Variants in FRY observed in about 807,000 individuals in gnomAD.
The protein encoded by FRY is FRY microtubule binding protein.
Under a neutral mutation model 348.4 loss-of-function variants are expected in FRY, and 128 were observed. The observed-to-expected ratio is 0.37, with a 90% confidence interval of 0.32 to 0.43. FRY has a LOEUF of 0.43. Among genes scored for constraint, FRY ranks in the 20% least tolerant of loss-of-function variants. The pLI is 1.00. For synonymous variants in FRY, 1,370 were observed against 1,374.7 expected (o/e 1.00, Z 0.08); for missense variants, 2,736 against 3,695.2 (o/e 0.74, Z 6.73).
At chr13:32,141,422 C>CTT (rs1880063685) in intron 11 of FRY, among the ~76,000 whole-genome samples, 1 of 152,200 alleles carries the variant, frequency 6.6e-6, no homozygotes, top group Non-Finnish European at 1.5e-5. Flanking sequence ...ATGGCTTTCT[C>CTT]TTTGAAATGG....
intron 1 of FRY, among the ~76,000 whole-genome samples, chr13:32,049,875 C>G (rs1408243968): frequency 2.0e-5 from 3 of 152,082 alleles, no homozygotes; most frequent in African/African-American, 7.2e-5. Flanking sequence ...GTAGCTCAAG[C>G]AAGCTGCTTT....
chr13:32,058,683 T>C (rs540537334), intron 1 of FRY, among the ~76,000 whole-genome samples: 1 of 152,322 alleles, frequency 6.6e-6, no homozygotes, highest in South Asian at 2.1e-4. Flanking sequence ...TAGGAGAACA[T>C]GGGCTTCAAG....
At chr13:32,195,898 T>C (rs1023645483) in intron 29 of FRY, among the ~76,000 whole-genome samples, 2 of 152,208 alleles carry the variant, frequency 1.3e-5, no homozygotes, top group Non-Finnish European at 2.9e-5. Flanking sequence ...ACTGTCCAGA[T>C]AGTGACCAGC....
intron 31 of FRY, among the ~76,000 whole-genome samples, chr13:32,208,509 G>A (rs1884488355): frequency 6.6e-6 from 1 of 152,208 alleles, no homozygotes; most frequent in Admixed American, 6.5e-5. Context: ...AGTATGTGGT[G>A]GATCTGGAAT....
At chr13:32,242,009 T>A (rs1886537407) in intron 46 of FRY, among the ~76,000 whole-genome samples, 1 of 152,234 alleles carries the variant, frequency 6.6e-6, no homozygotes, top group South Asian at 2.1e-4. Flanking sequence ...TGTGTATATT[T>A]CTATGTGTTG....
intron 1 of FRY, among the ~76,000 whole-genome samples, chr13:32,059,848 G>A (rs1330097314): frequency 6.6e-6 from 1 of 152,172 alleles, no homozygotes; most frequent in Non-Finnish European, 1.5e-5. Flanking sequence ...TTAGTAAAAT[G>A]TAAACCAAAT....
At chr13:32,067,405 C>A (rs1046458748) in intron 1 of FRY, among the ~76,000 whole-genome samples, 4 of 152,022 alleles carry the variant, frequency 2.6e-5, no homozygotes, top group African/African-American at 9.7e-5. Flanking sequence ...GGAATAAAGA[C>A]AGGCTTCCCC....
intron 7 of FRY, among the ~76,000 whole-genome samples, chr13:32,126,656 C>T (rs1879040104): frequency 6.6e-6 from 1 of 152,204 alleles, no homozygotes; most frequent in African/African-American, 2.4e-5. Context: ...GTGTTCTCAA[C>T]TAGTCTATAT....
At chr13:32,272,672 A>G (rs1185260110) in intron 55 of FRY, among the ~76,000 whole-genome samples, 1 of 152,102 alleles carries the variant, frequency 6.6e-6, no homozygotes, top group Admixed American at 6.5e-5. Context: ...ACAAAACAAA[A>G]CAAAAAACAT....
At chr13:32,109,651 G>A (rs552085020) in intron 3 of FRY, among the ~76,000 whole-genome samples, 6 of 152,140 alleles carry the variant, frequency 3.9e-5, no homozygotes, top group Non-Finnish European at 8.8e-5. Context: ...GGTAGTAGGA[G>A]CCGTGCTGAG....
At chr13:32,174,967 ATT>A (rs1882287923) in intron 19 of FRY, among the ~76,000 whole-genome samples, 1 of 152,154 alleles carries the variant, frequency 6.6e-6, no homozygotes, top group Non-Finnish European at 1.5e-5. Flanking sequence ...GAATCCATTC[ATT>A]TATGTATTAT....
Position 32,202,439 on chromosome 13 carries a change from G to T in FRY, c.3930G>T (p.Pro1310=), listed in dbSNP as rs117167401. ...PGSILYGTHG[P]LPPLYSVSLA... ...GTATTCTCTATGGAACACACGGCCC[G>T]CTGCCACCCCTCTACAGCGTGTCAC... Residue 1310 remains proline (P), a synonymous_variant, in exon 31 of 61, where the codon CCG becomes CCT. Transcript: ENST00000542859. 6.2e-6 allele frequency: 10 copies of T among 1,613,766 alleles called. No homozygotes were observed. The South Asian group carries it at 1.1e-4, about 18-fold the overall frequency.
intron 14 of FRY, among the ~76,000 whole-genome samples, chr13:32,154,029 AC>A (rs1420504854): frequency 1.3e-5 from 2 of 152,180 alleles, no homozygotes; most frequent in East Asian, 3.9e-4. Context: ...AACTTAGAGA[AC>A]TGACAAGGAT....
At position 32,202,473 on chromosome 13, in the gene FRY, T is replaced by C; in HGVS notation, c.3964T>C (p.Leu1322=). The C allele has an allele frequency of 6.2e-7, 1 of 1,613,926 alleles. No homozygotes were observed. The highest frequency in any genetic ancestry group is 8.5e-7 in the Non-Finnish European group (1 of 1,179,860). ...CCTCTACAGCGTGTCACTTGCCCTC[T>C]TGTCATGTGAGCTGGCCAGGATGTA... The part of the protein sequence containing the change: ...PPLYSVSLAL[L]SCELARMYPE... The change falls in exon 31 of 61, where the codon TTG becomes CTG. Residue 1322 remains leucine, a synonymous_variant. Transcript: ENST00000542859.
chr13:32,262,522 T>A, intron 53 of FRY, 47 bp downstream of exon 53: 2 of 1,426,698 alleles, frequency 1.4e-6, no homozygotes, highest in Non-Finnish European at 2.0e-6. Flanking sequence ...TTAAAACCCT[T>A]AAAAAAAAAC....
chr13:32,145,010 A>C (rs1414391385), intron 11 of FRY, among the ~76,000 whole-genome samples: 1 of 152,222 alleles, frequency 6.6e-6, no homozygotes, highest in African/African-American at 2.4e-5. Flanking sequence ...ACTATAAAAA[A>C]TGAACAGGGT....
chr13:32,216,241 C>G (rs985287208), intron 35 of FRY, among the ~76,000 whole-genome samples: 2 of 151,966 alleles, frequency 1.3e-5, no homozygotes, highest in Non-Finnish European at 2.9e-5. Flanking sequence ...GGGACCAGAC[C>G]CAAAATAAGC....
rs78619449 is a variant in FRY, at chr13:32,260,971, C to T, written c.7417-645C>T. On this transcript the variant is annotated intron_variant, in intron 51 of 60. Transcript: ENST00000542859. ...TAGTGAAATTAACAATTTTCTACAC[C>T]GGGACAATTATTTAAAGATGAGCCT... Among the ~76,000 whole-genome samples, 449 of 152,270 alleles carry T rather than the reference C, an allele frequency of 2.9e-3. 2 individuals are homozygous for T. Among genetic ancestry groups the T allele is most frequent in the African/African-American group, 0.01 (424 of 41,572 alleles).
chr13:32,295,378 G>A lies in FRY; in HGVS notation c.8960G>A (p.Arg2987Gln), dbSNP rs376374665. Residue 2987 changes from arginine to glutamine, a missense_variant, in exon 61 of 61, where the codon CGG becomes CAG. By Grantham distance (43) the Arg-to-Gln change is conservative. This residue lies in a region of FRY where 157 missense variants were observed against 215.2 expected (regional missense o/e 0.73). Coordinates refer to ENST00000542859, the MANE Select transcript of FRY (RefSeq NM_023037.3). ...CTGATGGAGCTGAACATGGAGATCC[G>A]GGACATGATCCGCAGGGCCCAGAGT... ...TKLMELNMEI[R>Q]DMIRRAQSYR... 52 of 1,613,306 alleles carry A rather than the reference G, an allele frequency of 3.2e-5. No homozygotes were observed. The highest frequency in any genetic ancestry group is 2.7e-4 in the African/African-American group (20 of 75,026).
Sources: allele counts gnomAD v4.1 joint callset (sites outside exome capture counted in the v4.1 genomes callset), GRCh38; gene constraint gnomAD v4.1.1; regional missense constraint gnomAD v4.1.1; transcripts MANE v1.5; gene names NCBI Gene and HGNC (gene_info 2026-07-23, HGNC 2026-07-21).